The following ZYG11B variants were observed in gnomAD, a reference collection of about 807,000 sequenced individuals.
The protein encoded by ZYG11B is protein zyg-11 homolog B.
ZYG11B carries 36 observed loss-of-function variants against 82.4 expected under a neutral mutation model. That is an observed-to-expected ratio of 0.44 (90% confidence interval 0.33 to 0.58). The LOEUF (loss-of-function observed/expected upper bound fraction) is 0.58, where lower values mean the gene tolerates loss of function less well. ZYG11B is among the 20% of genes least tolerant of loss of function. ZYG11B has a pLI of 0.02. For missense variants in ZYG11B, 552 were observed against 895.6 expected, an observed-to-expected ratio of 0.62 and a Z score of 4.90; for synonymous variants, 303 against 312.8, an observed-to-expected ratio of 0.97 and a Z score of 0.33.
At chr1:52,783,030 G>C (rs560171178) in intron 4 of ZYG11B, among the ~76,000 whole-genome samples, 1 of 151,446 alleles carries the variant, frequency 6.6e-6, no homozygotes, top group South Asian at 2.1e-4. Context: ...ATGTTCAAGC[G>C]ATTCTTCTGC....
intron 8 of ZYG11B, among the ~76,000 whole-genome samples, chr1:52,799,718 C>T (rs1001339976): frequency 2.0e-5 from 3 of 151,892 alleles, no homozygotes; most frequent in Non-Finnish European, 4.4e-5. Flanking sequence ...TCGCTTGAAT[C>T]GGGAAGGTGG....
intron 1 of ZYG11B, among the ~76,000 whole-genome samples, chr1:52,741,177 A>G (rs1644426460): frequency 6.6e-6 from 1 of 151,756 alleles, no homozygotes; most frequent in Non-Finnish European, 1.5e-5. Context: ...ATGCACCTGT[A>G]ATCCCAGCTA....
intron 4 of ZYG11B, among the ~76,000 whole-genome samples, chr1:52,783,547 G>A (rs2149946533): frequency 1.3e-5 from 2 of 151,144 alleles, no homozygotes; most frequent in South Asian, 4.2e-4. Context: ...ATGCTGGTAA[G>A]TAGGATACAT....
At chr1:52,800,222 A>G (rs746681673) in intron 8 of ZYG11B, among the ~76,000 whole-genome samples, 5 of 151,286 alleles carry the variant, frequency 3.3e-5, no homozygotes, top group Non-Finnish European at 7.4e-5. Context: ...TCTACAGCGA[A>G]CTATAATTGT....
At chr1:52,791,491 C>T (rs1644959264) in intron 6 of ZYG11B, among the ~76,000 whole-genome samples, 1 of 151,668 alleles carries the variant, frequency 6.6e-6, no homozygotes, top group Non-Finnish European at 1.5e-5. Flanking sequence ...GCTTTAGCCT[C>T]CCAAATAGCT....
Position 52,726,522 on chromosome 1 carries a change from T to G in ZYG11B, c.-132T>G. 6 of 825,988 alleles carry G rather than the reference T, an allele frequency of 7.3e-6. No homozygotes were observed. Among genetic ancestry groups the G allele is most frequent in the Non-Finnish European group, 9.9e-6 (6 of 603,786 alleles). 51.2% of individuals were successfully genotyped at this position (825,988 alleles called of 1,614,324 possible). On this transcript the variant is annotated 5_prime_UTR_variant, in exon 1 of 14. Coordinates refer to ENST00000294353, the MANE Select transcript of ZYG11B (RefSeq NM_024646.3). ...GGCTGCTACTGCTACGCTCCTAGCT[T>G]GAGGGAAAGAGGCCGAGGCCTGGGC...
Position 52,803,103 on chromosome 1 carries a change from T to TATATATATATACAC in ZYG11B, c.1695+975_1695+976insCACATATATATATA, listed in dbSNP as rs1553262783. 1.9e-3 allele frequency among the ~76,000 whole-genome samples: 149 copies of TATATATATATACAC among 79,694 alleles called. 5 individuals carry two copies. Among genetic ancestry groups the TATATATATATACAC allele is most frequent in the Non-Finnish European group, 2.3e-3 (124 of 53,148 alleles). 52.3% of individuals were successfully genotyped at this position (79,694 alleles called of 152,430 possible). ...ATATATACACATATATATATACATA[T>TATATATATATACAC]ATATATATATATATACACACATATA... On this transcript the variant is annotated intron_variant, in intron 10 of 13. Transcript: ENST00000294353.
At chr1:52,762,525 T>C (rs1338861350) in intron 2 of ZYG11B, among the ~76,000 whole-genome samples, 1 of 151,864 alleles carries the variant, frequency 6.6e-6, no homozygotes, top group East Asian at 1.9e-4. Flanking sequence ...TTTGAGGTCT[T>C]GTTCATAAAA....
intron 3 of ZYG11B, among the ~76,000 whole-genome samples, chr1:52,777,158 C>T (rs969159872): frequency 6.6e-5 from 10 of 151,676 alleles, no homozygotes; most frequent in African/African-American, 2.4e-4. Context: ...TGCAGTGAGC[C>T]GAGATCGTGC....
At chr1:52,757,610 G>C (rs1050947320) in intron 2 of ZYG11B, among the ~76,000 whole-genome samples, 1 of 152,070 alleles carries the variant, frequency 6.6e-6, no homozygotes, top group Non-Finnish European at 1.5e-5. Flanking sequence ...AGGAGACAGA[G>C]GTTGCAGTGA....
intron 10 of ZYG11B, among the ~76,000 whole-genome samples, chr1:52,810,152 G>A (rs542704507): frequency 4.2e-4 from 64 of 152,174 alleles, no homozygotes; most frequent in African/African-American, 1.4e-3. Context: ...TCAGGCTATG[G>A]CTAATTATTC....
intron 2 of ZYG11B, among the ~76,000 whole-genome samples, chr1:52,767,234 TTTA>T (rs1177950884): frequency 6.6e-6 from 1 of 151,638 alleles, no homozygotes; most frequent in Non-Finnish European, 1.5e-5. Context: ...ATTTTGTTAT[TTTA>T]TTTTATGTTG....
chr1:52,732,719 T>G (rs978306211), intron 1 of ZYG11B, among the ~76,000 whole-genome samples: 6 of 150,802 alleles, frequency 4.0e-5, no homozygotes, highest in African/African-American at 1.5e-4. Flanking sequence ...GAGCCGAGAT[T>G]GTGCCACTGC....
intron 2 of ZYG11B, among the ~76,000 whole-genome samples, chr1:52,766,065 C>T (rs958445390): frequency 7.3e-5 from 11 of 151,054 alleles, no homozygotes; most frequent in African/African-American, 2.4e-4. Context: ...TCTTCTCTTG[C>T]CTTGCTGAGT....
At chr1:52,760,805 C>T (rs903495709) in intron 2 of ZYG11B, among the ~76,000 whole-genome samples, 1 of 146,002 alleles carries the variant, frequency 6.8e-6, no homozygotes, top group East Asian at 2.1e-4. Flanking sequence ...CTCTGTCGCT[C>T]AGGCTGGAGT....
At chr1:52,754,073 T>C (rs1028929456) in intron 1 of ZYG11B, among the ~76,000 whole-genome samples, 2 of 151,432 alleles carry the variant, frequency 1.3e-5, no homozygotes, top group Non-Finnish European at 2.9e-5. Flanking sequence ...TTGCCCAGGC[T>C]TGAGTGCAGT....
chr1:52,733,526 T>C (rs1478990628), intron 1 of ZYG11B, among the ~76,000 whole-genome samples: 1 of 151,992 alleles, frequency 6.6e-6, no homozygotes, highest in Non-Finnish European at 1.5e-5. Context: ...ATGAAAAAAT[T>C]AGCGCACATC....
In ZYG11B at chr1:52,803,279, C is replaced by CACAT. The variant is rs369258244; in HGVS notation, c.1695+1141_1695+1142insCATA. On this transcript the variant is annotated intron_variant, in intron 10 of 13. Transcript: ENST00000294353. ...ATATATATATATACACACACACACA[C>CACAT]ATATATATATATATATATACACATA... 1.3e-4 allele frequency among the ~76,000 whole-genome samples: 9 copies of CACAT among 68,104 alleles called. 1 individual carries two copies. Among genetic ancestry groups the CACAT allele is most frequent in the Admixed American group, 3.3e-4 (2 of 6,098 alleles). The allele number at this position is 68,104 out of a possible 152,430, so 44.7% of individuals were successfully genotyped here. A position where few individuals can be genotyped will look rare whatever the true frequency, so the allele number is the denominator to read the frequency against.
intron 10 of ZYG11B, among the ~76,000 whole-genome samples, chr1:52,803,921 T>C (rs1645119712): frequency 6.6e-6 from 1 of 152,146 alleles, no homozygotes; most frequent in African/African-American, 2.4e-5. Flanking sequence ...TTCACTTTTA[T>C]AATTGGTAAA....
Sources: gnomAD v4.1 joint callset for allele counts (sites outside exome capture counted in the v4.1 genomes callset) on GRCh38, gnomAD v4.1.1 for gene constraint, MANE v1.5 for transcripts, NCBI Gene and HGNC (gene_info 2026-07-23, HGNC 2026-07-21) for gene names.